Variants in TMEM232 observed in about 807,000 individuals in gnomAD.
TMEM232 encodes the protein transmembrane protein 232.
In TMEM232, 80 loss-of-function variants were observed where a neutral mutation model predicts 78.8. That is an observed-to-expected ratio of 1.01 (90% CI 0.85 to 1.22). TMEM232 has a LOEUF of 1.22. Among genes scored for constraint, TMEM232 ranks in the 50% most tolerant of loss-of-function variants. TMEM232 has a pLI of 0.00. For synonymous variants in TMEM232, 297 were observed against 254.3 expected (o/e 1.17, Z -1.60); for missense variants, 881 against 742.2 (o/e 1.19, Z -2.17).
chr5:110,411,367 C>T (rs180857633), intron 2 of TMEM232, among the ~76,000 whole-genome samples: 56 of 152,166 alleles, frequency 3.7e-4, no homozygotes, highest in African/African-American at 1.3e-3. Context: ...TCATTTTTTC[C>T]ATCAATAAGG....
chr5:110,506,989 C>A (rs73784781), intron 12 of TMEM232, among the ~76,000 whole-genome samples: 6,177 of 152,118 alleles, frequency 0.041, 199 homozygotes, highest in African/African-American at 0.087. Flanking sequence ...CCAAGTGGTA[C>A]TAAAACTTTG....
At chr5:110,544,429 A>G (rs1773522680) in intron 11 of TMEM232, among the ~76,000 whole-genome samples, 1 of 145,966 alleles carries the variant, frequency 6.9e-6, no homozygotes, top group African/African-American at 2.7e-5. Flanking sequence ...TGTAGTAGCA[A>G]TACACACATA....
intron 10 of TMEM232, among the ~76,000 whole-genome samples, chr5:110,597,726 T>C (rs1179788212): frequency 1.3e-5 from 2 of 151,712 alleles, no homozygotes; most frequent in Non-Finnish European, 3.0e-5. Flanking sequence ...TACAACTATC[T>C]GATCTTTGAC....
At chr5:110,665,715 C>A (rs974497374) in intron 2 of TMEM232, among the ~76,000 whole-genome samples, 6 of 152,122 alleles carry the variant, frequency 3.9e-5, no homozygotes, top group South Asian at 2.1e-4. Flanking sequence ...ATATAGCCAA[C>A]CTGTATCAGT....
chr5:110,609,736 A>T (rs1781960979), intron 8 of TMEM232, among the ~76,000 whole-genome samples: 1 of 152,146 alleles, frequency 6.6e-6, no homozygotes, highest in South Asian at 2.1e-4. Context: ...ATTTTTACCA[A>T]CTTTGTTATG....
At chr5:110,460,292 A>AGTGT (rs112235101) in intron 12 of TMEM232, among the ~76,000 whole-genome samples, 57 of 149,494 alleles carry the variant, frequency 3.8e-4, no homozygotes, top group African/African-American at 8.5e-4. Flanking sequence ...TGTATAAGTA[A>AGTGT]GTGTGTGTGT....
At chr5:110,577,370 A>G (rs1777682881) in intron 10 of TMEM232, among the ~76,000 whole-genome samples, 1 of 152,132 alleles carries the variant, frequency 6.6e-6, no homozygotes, top group Non-Finnish European at 1.5e-5. Flanking sequence ...AAGTAAAAAA[A>G]TAACAGGTGC....
intron 4 of TMEM232, among the ~76,000 whole-genome samples, chr5:110,388,922 C>T (rs914218576): frequency 7.2e-5 from 11 of 152,006 alleles, no homozygotes; most frequent in Non-Finnish European, 1.2e-4. Flanking sequence ...GAGGATGGTG[C>T]AAGATTACTT....
intron 12 of TMEM232, among the ~76,000 whole-genome samples, chr5:110,476,746 G>A (rs1187636571): frequency 6.6e-6 from 1 of 152,014 alleles, no homozygotes; most frequent in Non-Finnish European, 1.5e-5. Flanking sequence ...AATTATTACA[G>A]CACGTTTGGA....
At position 110,424,810 on chromosome 5, in the gene TMEM232, A is replaced by AC. The variant is rs1034296080; in HGVS notation, c.1797+12_1797+13insG. The AC allele has an allele frequency of 6.5e-7, 1 of 1,540,564 alleles. No homozygotes were observed. The highest frequency in any genetic ancestry group is 1.4e-5 in the African/African-American group (1 of 72,540). ...AAAGCTTTTGCTGCTAGTTAAAAAA[A>AC]AATCAATCTTACGTGATGGTCAATG... is the stretch of plus-strand genomic sequence containing the variant. On this transcript the variant is annotated intron_variant, in intron 13 of 13. Coordinates refer to ENST00000455884, the MANE Select transcript of TMEM232 (RefSeq NM_001039763.4).
chr5:110,523,848 C>A (rs1337806437), intron 12 of TMEM232, among the ~76,000 whole-genome samples: 1 of 151,248 alleles, frequency 6.6e-6, no homozygotes, highest in African/African-American at 2.4e-5. Context: ...GTGGTCCCAG[C>A]TACTCAGGAG....
At chr5:110,627,177 C>A (rs926418062) in intron 6 of TMEM232, among the ~76,000 whole-genome samples, 1 of 152,014 alleles carries the variant, frequency 6.6e-6, no homozygotes, top group African/African-American at 2.4e-5. Context: ...TGCAAAACTT[C>A]AGCTCCCGCT....
chr5:110,698,662 T>C (rs966336663), intron 1 of TMEM232, among the ~76,000 whole-genome samples: 3 of 152,118 alleles, frequency 2.0e-5, no homozygotes, highest in South Asian at 2.1e-4. Flanking sequence ...TCCCTCTCTT[T>C]TGCTAGAGGT....
chr5:110,466,077 T>C (rs781107515), intron 12 of TMEM232, among the ~76,000 whole-genome samples: 1 of 152,186 alleles, frequency 6.6e-6, no homozygotes, highest in Non-Finnish European at 1.5e-5. Context: ...TATCTACTAA[T>C]TGAATATAGC....
At chr5:110,522,122 T>G (rs1769609821) in intron 12 of TMEM232, among the ~76,000 whole-genome samples, 1 of 152,166 alleles carries the variant, frequency 6.6e-6, no homozygotes, top group Admixed American at 6.5e-5. Flanking sequence ...GTTTTCAATC[T>G]AGAAGTCTTT....
intron 3 of TMEM232, among the ~76,000 whole-genome samples, chr5:110,396,937 A>C (rs1272154303): frequency 6.6e-6 from 1 of 152,150 alleles, no homozygotes; most frequent in Non-Finnish European, 1.5e-5. Flanking sequence ...TCGTAACTCG[A>C]AAAAGTGGCC....
At chr5:110,657,236 T>G (rs1580535792) in intron 2 of TMEM232, among the ~76,000 whole-genome samples, 1 of 152,252 alleles carries the variant, frequency 6.6e-6, no homozygotes, top group East Asian at 1.9e-4. Context: ...AATCCAGCAA[T>G]CCCATTACTG....
chr5:110,730,499 CTGA>C (rs998672741), upstream of TMEM232, among the ~76,000 whole-genome samples: 1 of 152,092 alleles, frequency 6.6e-6, no homozygotes, highest in Non-Finnish European at 1.5e-5. Flanking sequence ...TTTCATGCTG[CTGA>C]TAAGTACATA....
intron 2 of TMEM232, among the ~76,000 whole-genome samples, chr5:110,412,793 A>C (rs1756046854): frequency 6.6e-6 from 1 of 152,192 alleles, no homozygotes; most frequent in Non-Finnish European, 1.5e-5. Context: ...AATTACATTT[A>C]AATATTTTCA....
Sources: gnomAD v4.1 joint callset for allele counts (sites outside exome capture counted in the v4.1 genomes callset) on GRCh38, gnomAD v4.1.1 for gene constraint, MANE v1.5 for transcripts, NCBI Gene and HGNC (gene_info 2026-07-23, HGNC 2026-07-21) for gene names.